Variants in MTA3 observed in about 807,000 individuals in gnomAD.
The protein encoded by MTA3 is metastasis associated 1 family member 3, also known as metastasis-associated protein MTA3.
A neutral mutation model predicts 83.5 loss-of-function variants in MTA3; 34 were observed. The observed-to-expected ratio is 0.41, with a 90% CI of 0.31 to 0.54. MTA3 has a LOEUF of 0.54. Among genes scored for constraint, MTA3 ranks in the 20% least tolerant of loss-of-function variants. The pLI is 0.33. For missense variants in MTA3, 761 were observed against 726.4 expected, an observed-to-expected ratio of 1.05 and a Z score of -0.55; for synonymous variants, 303 against 252.7, an observed-to-expected ratio of 1.20 and a Z score of -1.89.
At chr2:42,750,138 G>A (rs1233467173) in intron 16 of MTA3, among the ~76,000 whole-genome samples, 2 of 151,816 alleles carry the variant, frequency 1.3e-5, no homozygotes, top group African/African-American at 4.8e-5. Context: ...ATACAGGTGC[G>A]CCCCATAACA....
chr2:42,752,622 T>TC (rs1669963180), intron 16 of MTA3, among the ~76,000 whole-genome samples: 1 of 152,088 alleles, frequency 6.6e-6, no homozygotes, highest in Admixed American at 6.6e-5. Flanking sequence ...TGAAGTTCAC[T>TC]CCCCTCCTAC....
chr2:42,547,331 C>G (rs1166715690), intron 2 of MTA3, among the ~76,000 whole-genome samples: 1 of 152,126 alleles, frequency 6.6e-6, no homozygotes, highest in African/African-American at 2.4e-5. Context: ...CTGCGTTTGC[C>G]TTATTATTAT....
intron 3 of MTA3, among the ~76,000 whole-genome samples, chr2:42,580,158 G>A (rs1266075751): frequency 1.3e-5 from 2 of 151,974 alleles, no homozygotes; most frequent in Admixed American, 6.6e-5. Context: ...TGTTTCTCAG[G>A]CTGGTCTGGA....
chr2:42,591,587 A>G (rs1681002574), intron 3 of MTA3, among the ~76,000 whole-genome samples: 1 of 152,026 alleles, frequency 6.6e-6, no homozygotes, highest in Non-Finnish European at 1.5e-5. Context: ...TGGCTATACA[A>G]AAATATTTTC....
chr2:42,585,341 G>A (rs895999231), intron 3 of MTA3, among the ~76,000 whole-genome samples: 21 of 152,080 alleles, frequency 1.4e-4, no homozygotes, highest in African/African-American at 5.1e-4. Context: ...GCCCACCTCG[G>A]CCTCCCAAAG....
intron 3 of MTA3, among the ~76,000 whole-genome samples, chr2:42,584,111 G>T (rs1328500603): frequency 6.7e-6 from 1 of 150,356 alleles, no homozygotes; most frequent in African/African-American, 2.5e-5. Context: ...CCAAAGTGCT[G>T]GATTACAGGT....
intron 16 of MTA3, among the ~76,000 whole-genome samples, chr2:42,736,427 A>G (rs1668621000): frequency 6.6e-6 from 1 of 152,082 alleles, no homozygotes; most frequent in South Asian, 2.1e-4. Flanking sequence ...GCCTATGATG[A>G]TCACTGCCTG....
At chr2:42,647,984 G>C (rs1273905592) in intron 6 of MTA3, among the ~76,000 whole-genome samples, 1 of 152,144 alleles carries the variant, frequency 6.6e-6, no homozygotes, top group Non-Finnish European at 1.5e-5. Context: ...GGGATTACAG[G>C]TGCCTGCCAC....
chr2:42,638,658 A>G (rs1687412424), intron 4 of MTA3, among the ~76,000 whole-genome samples: 1 of 151,856 alleles, frequency 6.6e-6, no homozygotes, highest in African/African-American at 2.4e-5. Context: ...TGAGCTGGGC[A>G]CAATTGTTGT....
chr2:42,661,697 A>C (rs1689734719), intron 8 of MTA3, among the ~76,000 whole-genome samples: 1 of 152,108 alleles, frequency 6.6e-6, no homozygotes, highest in African/African-American at 2.4e-5. Context: ...CTCATTACCC[A>C]GAGTAGAATG....
At chr2:42,517,760 C>A (rs1333009684) in intron 2 of MTA3, among the ~76,000 whole-genome samples, 1 of 150,054 alleles carries the variant, frequency 6.7e-6, no homozygotes, top group Non-Finnish European at 1.5e-5. Context: ...AGCCTGTAAT[C>A]CCAGCTACTC....
At chr2:42,638,506 G>C (rs770788940) in intron 4 of MTA3, among the ~76,000 whole-genome samples, 1 of 151,796 alleles carries the variant, frequency 6.6e-6, no homozygotes, top group African/African-American at 2.4e-5. Context: ...CCCCAACCGC[G>C]AGTAGCTGGG....
intron 2 of MTA3, among the ~76,000 whole-genome samples, chr2:42,516,251 A>G (rs2103681278): frequency 6.6e-6 from 1 of 152,286 alleles, no homozygotes; most frequent in East Asian, 1.9e-4. Context: ...GTAAAAGCTC[A>G]GTCAATATTA....
intron 11 of MTA3, among the ~76,000 whole-genome samples, chr2:42,698,885 A>T (rs940963726): frequency 3.2e-4 from 49 of 152,346 alleles, no homozygotes; most frequent in African/African-American, 1.2e-3. Context: ...GCCCATCTGC[A>T]GAGTGGTTTC....
chr2:42,544,723 T>C (rs1676681133), intron 2 of MTA3, among the ~76,000 whole-genome samples: 1 of 151,976 alleles, frequency 6.6e-6, no homozygotes, highest in African/African-American at 2.4e-5. Flanking sequence ...CTTGCTACTT[T>C]AAGCAATTAT....
At chr2:42,620,119 C>CT (rs765658192) in intron 4 of MTA3, among the ~76,000 whole-genome samples, 2,893 of 134,868 alleles carry the variant, frequency 0.021, 49 homozygotes, top group African/African-American at 0.038. Flanking sequence ...CATCACACAT[C>CT]TTTTTTTTTT....
intron 4 of MTA3, among the ~76,000 whole-genome samples, chr2:42,622,013 C>T (rs1400273856): frequency 5.3e-5 from 8 of 152,196 alleles, no homozygotes; most frequent in African/African-American, 1.7e-4. Context: ...GGCGGCCGGG[C>T]AGAGGCTGCA....
chr2:42,563,315 C>T lies in MTA3; in HGVS notation c.-140-7122C>T, dbSNP rs560767264. 4.9e-4 allele frequency among the ~76,000 whole-genome samples: 75 copies of T among 152,056 alleles called. 1 individual carries two copies. Among genetic ancestry groups the T allele is most frequent in the African/African-American group, 1.6e-3 (65 of 41,468 alleles). ...TCCCAAGTAGCTGGGATTACAGGCG[C>T]GCGCCACCATGCCTGGCTAATTTTT... On this transcript the variant is annotated intron_variant, in intron 2 of 17. Coordinates refer to the MTA3 transcript ENST00000405592.
chr2:42,635,689 T>A (rs1374426877), intron 4 of MTA3, among the ~76,000 whole-genome samples: 2 of 150,922 alleles, frequency 1.3e-5, no homozygotes, highest in East Asian at 1.9e-4. Flanking sequence ...AATAAAAAAA[T>A]GTCTTTCTTT....
Sources: allele counts gnomAD v4.1 joint callset (sites outside exome capture counted in the v4.1 genomes callset), GRCh38; gene constraint gnomAD v4.1.1; transcripts MANE v1.5; gene names NCBI Gene and HGNC (gene_info 2026-07-23, HGNC 2026-07-21).